The following KLHL6 variants were observed in gnomAD, a reference collection of about 807,000 sequenced individuals.
KLHL6 encodes kelch-like protein 6.
In KLHL6, 41 loss-of-function variants were observed where a neutral mutation model predicts 58.6. That is an observed-to-expected ratio of 0.70 (90% CI 0.55 to 0.91). The LOEUF is 0.91. KLHL6 is among the 40% of genes least tolerant of loss of function. The pLI, the probability that KLHL6 is intolerant of heterozygous loss-of-function variation, is 0.00. For synonymous variants in KLHL6, 338 were observed against 322.7 expected (o/e 1.05, Z -0.51); for missense variants, 714 against 805.6 (o/e 0.89, Z 1.38).
At position 183,494,109 on chromosome 3, in the gene KLHL6, G is replaced by C. The variant is rs377242418; in HGVS notation, c.1320C>G (p.Thr440=). 1.2e-6 allele frequency: 2 copies of C among 1,614,170 alleles called. No homozygotes were observed. Among genetic ancestry groups the C allele is most frequent in the Admixed American group, 1.7e-5 (1 of 60,020 alleles). ...DGLQRINNVE[T]YDPFHNCWSE... is the part of the protein sequence containing the mutation. ...ACCAGCAGTTGTGAAAGGGGTCGTAGGTCTCCACATTGTTGATTCTCTGTA... is the reference window on the plus strand; with the variant it reads ...ACCAGCAGTTGTGAAAGGGGTCGTACGTCTCCACATTGTTGATTCTCTGTA... Residue 440 remains threonine (T), a synonymous_variant, in exon 5 of 7, where the codon ACC becomes ACG. Coordinates refer to ENST00000341319, the MANE Select transcript of KLHL6 (RefSeq NM_130446.4).
Position 183,491,809 on chromosome 3 carries a change from A to AT in KLHL6, c.*117dup. 1.1e-6 allele frequency: 1 copy of AT among 876,434 alleles called. No individual in the cohort carries two copies. The highest frequency in any genetic ancestry group is 2.6e-5 in the South Asian group (1 of 37,802). The allele number at this position is 876,434 out of a possible 1,614,324, so 54.3% of individuals were successfully genotyped here. A position where few individuals can be genotyped will look rare whatever the true frequency, so the allele number is the denominator to read the frequency against. On this transcript the variant is annotated 3_prime_UTR_variant, in exon 7 of 7. Transcript: ENST00000341319. ...GGTTCCCCCAAAGTGAGTCAAGGGGATCCCCTGATGTATGGCCTCAAACTC... is the reference window on the plus strand; with the variant it reads ...GGTTCCCCCAAAGTGAGTCAAGGGGATTCCCCTGATGTATGGCCTCAAACTC...
chr3:183,502,545 C>T (rs190383188), intron 3 of KLHL6, among the ~76,000 whole-genome samples: 200 of 152,286 alleles, frequency 1.3e-3, no homozygotes, highest in Non-Finnish European at 2.4e-3. Context: ...AGCTTGCATC[C>T]TGATTGCTCT....
At chr3:183,554,122 A>G (rs538566286) in intron 1 of KLHL6, among the ~76,000 whole-genome samples, 1 of 152,256 alleles carries the variant, frequency 6.6e-6, no homozygotes, top group East Asian at 1.9e-4. Flanking sequence ...GTTCCCAAAT[A>G]CTTTCTTCAT....
intron 4 of KLHL6, among the ~76,000 whole-genome samples, chr3:183,495,799 A>G (rs2108664213): frequency 6.6e-6 from 1 of 152,322 alleles, no homozygotes; most frequent in East Asian, 1.9e-4. Context: ...GGCTTTCCTT[A>G]TCAAATATTA....
intron 1 of KLHL6, among the ~76,000 whole-genome samples, chr3:183,541,459 C>T (rs529509634): frequency 2.8e-4 from 42 of 152,350 alleles, no homozygotes; most frequent in African/African-American, 9.9e-4. Flanking sequence ...CCCCCTACAC[C>T]TGCCAAGCCT....
At chr3:183,532,033 G>C (rs1472547671) in intron 1 of KLHL6, among the ~76,000 whole-genome samples, 1 of 152,220 alleles carries the variant, frequency 6.6e-6, no homozygotes, top group Non-Finnish European at 1.5e-5. Flanking sequence ...TGGGGGCCAA[G>C]TATGGAATGT....
intron 2 of KLHL6, among the ~76,000 whole-genome samples, chr3:183,511,829 G>A (rs1426805319): frequency 1.3e-5 from 2 of 152,152 alleles, no homozygotes; most frequent in Non-Finnish European, 2.9e-5. Context: ...CAGCATCTCA[G>A]GGCAGAGCAA....
rs757111409 is a variant in KLHL6, at chr3:183,508,501, C to T, written c.467G>A (p.Arg156Gln). The T allele has an allele frequency of 8.7e-6, 14 of 1,612,354 alleles. 1 individual carries two copies. The highest frequency in any genetic ancestry group is 1.7e-5 in the Admixed American group (1 of 59,856). The change falls in exon 3 of 7, where the codon CGG becomes CAG. Residue 156 changes from arginine (R) to glutamine (Q), a missense_variant. Coordinates refer to ENST00000341319, the MANE Select transcript of KLHL6 (RefSeq NM_130446.4). ...GAAGCTGGCACAGGCATCCACCATC[C>T]GCAGGAACTGATGAAATAGAAAGGG... ...LEAANLFQFL[R>Q]MVDACASFLT...
intron 3 of KLHL6, among the ~76,000 whole-genome samples, chr3:183,506,933 G>A (rs1291055304): frequency 6.6e-6 from 1 of 152,200 alleles, no homozygotes; most frequent in African/African-American, 2.4e-5. Context: ...AGGAGTAGAA[G>A]TCAGCTAGAT....
intron 1 of KLHL6, among the ~76,000 whole-genome samples, chr3:183,533,910 C>T (rs576550593): frequency 4.6e-5 from 7 of 151,360 alleles, no homozygotes; most frequent in Non-Finnish European, 8.8e-5. Flanking sequence ...AAAGAAAGAA[C>T]GAAGGTGAAT....
intron 4 of KLHL6, among the ~76,000 whole-genome samples, chr3:183,498,443 G>A: frequency 6.6e-6 from 1 of 152,142 alleles, no homozygotes; most frequent in Middle Eastern, 3.2e-3. Flanking sequence ...GGGTCCCAGG[G>A]AGAGCCAGGT....
Position 183,540,072 on chromosome 3 carries a change from G to A in KLHL6, c.294-12062C>T, listed in dbSNP as rs180937902. Reference sequence around the variant, plus strand: ...CTGTCTCTTTTAGCAGGAGTACTCAGATCTTCCGTTGGGAAACACCCCACC... The same window carrying A: ...CTGTCTCTTTTAGCAGGAGTACTCAAATCTTCCGTTGGGAAACACCCCACC... On this transcript the variant is annotated intron_variant, in intron 1 of 6. Coordinates refer to ENST00000341319, the MANE Select transcript of KLHL6 (RefSeq NM_130446.4). Among the ~76,000 whole-genome samples the A allele has an allele frequency of 2.3e-3, 356 of 152,288 alleles. 4 individuals carry two copies. Among genetic ancestry groups the A allele is most frequent in the Non-Finnish European group, 1.9e-3 (129 of 68,018 alleles).
intron 4 of KLHL6, among the ~76,000 whole-genome samples, chr3:183,498,649 T>C (rs1329883673): frequency 6.6e-6 from 1 of 152,206 alleles, no homozygotes; most frequent in Non-Finnish European, 1.5e-5. Context: ...AAAGTATAAA[T>C]GTATCTCCCA....
intron 3 of KLHL6, among the ~76,000 whole-genome samples, chr3:183,501,838 A>T (rs982789869): frequency 2.0e-5 from 3 of 152,170 alleles, no homozygotes; most frequent in African/African-American, 7.2e-5. Context: ...CTTTGCACAC[A>T]TTCTCATAAC....
At position 183,555,564 on chromosome 3, in the gene KLHL6, C is replaced by T. The variant is rs781020584; in HGVS notation, c.90G>A (p.Glu30=). 1 of 1,614,166 alleles carries T rather than the reference C, an allele frequency of 6.2e-7. No homozygotes were observed. Among genetic ancestry groups the T allele is most frequent in the Admixed American group, 1.7e-5 (1 of 60,022 alleles). The change falls in exon 1 of 7, where the codon GAG becomes GAA. Residue 30 remains glutamate (E), a synonymous_variant. Coordinates refer to ENST00000341319, the MANE Select transcript of KLHL6 (RefSeq NM_130446.4). ...CCAAGTCTCCTGTTTTCTGGGAGGG[C>T]TCATCTGTAGAAGGTGCCAGGGGCC... ...LEGPLAPSTD[E]PSQKTGDLVE...
At position 183,551,811 on chromosome 3, in the gene KLHL6, T is replaced by G. The variant is rs1190881034; in HGVS notation, c.293+3550A>C. Among the ~76,000 whole-genome samples, 3 of 152,214 alleles carry G rather than the reference T, an allele frequency of 2.0e-5. No homozygotes were observed. In the East Asian group the frequency reaches 5.8e-4, roughly 29 times the overall value. On this transcript the variant is annotated intron_variant, in intron 1 of 6. Transcript: ENST00000341319. ...GGGTGGAGGAGGAAATAGGAATTTT[T>G]GTTTTTTCATTATAAGCCTTTAAAT...
At chr3:183,535,575 G>A (rs746568190) in intron 1 of KLHL6, among the ~76,000 whole-genome samples, 1 of 152,126 alleles carries the variant, frequency 6.6e-6, no homozygotes, top group South Asian at 2.1e-4. Context: ...TATTTCACCC[G>A]GACTGTGACT....
At chr3:183,500,529 C>T (rs891882623) in intron 3 of KLHL6, among the ~76,000 whole-genome samples, 17 of 152,168 alleles carry the variant, frequency 1.1e-4, no homozygotes, top group African/African-American at 2.4e-4. Flanking sequence ...AGAAGTAACA[C>T]GATCTCTGTA....
intron 3 of KLHL6, 126 bp downstream of exon 3, chr3:183,507,933 A>T: frequency 1.3e-6 from 1 of 777,984 alleles, no homozygotes; most frequent in Admixed American, 2.8e-5. Flanking sequence ...CTCAGCAATG[A>T]ACAGGGCAGT....
Sources: gnomAD v4.1 joint callset for allele counts (sites outside exome capture counted in the v4.1 genomes callset) on GRCh38, gnomAD v4.1.1 for gene constraint, MANE v1.5 for transcripts, NCBI Gene and HGNC (gene_info 2026-07-23, HGNC 2026-07-21) for gene names.